The following ULK4 variants were observed in gnomAD, a reference collection of about 807,000 sequenced individuals.
The protein encoded by ULK4 is unc-51 like kinase 4.
A neutral mutation model predicts 160.6 loss-of-function variants in ULK4; 133 were observed. The observed-to-expected ratio is 0.83, with a 90% confidence interval of 0.72 to 0.96. The LOEUF (loss-of-function observed/expected upper bound fraction) is 0.96. Among genes scored for constraint, ULK4 ranks in the 40% least tolerant of loss-of-function variants. The pLI is 0.00. For synonymous variants in ULK4, 534 were observed against 539.8 expected, an observed-to-expected ratio of 0.99 and a Z score of 0.15; for missense variants, 1,580 against 1,499.5, an observed-to-expected ratio of 1.05 and a Z score of -0.89.
chr3:41,581,750 T>C (rs1226741089), intron 31 of ULK4, among the ~76,000 whole-genome samples: 4 of 152,104 alleles, frequency 2.6e-5, no homozygotes, highest in Non-Finnish European at 4.4e-5. Context: ...TAAGGAGCAG[T>C]GCCATGTGCT....
Position 41,739,331 on chromosome 3 carries a change from G to A in ULK4, c.2321+15030C>T, listed in dbSNP as rs376354219. On this transcript the variant is annotated intron_variant, in intron 22 of 36. Transcript: ENST00000301831. ...AAGAATTGTTTATGACCAGCTAATT[G>A]GCAAAGAAAAGCACTGAATCTGGTT... 3.2e-4 allele frequency among the ~76,000 whole-genome samples: 48 copies of A among 151,950 alleles called. No homozygotes were observed. The South Asian group carries it at 9.3e-3, about 30-fold the overall frequency.
intron 35 of ULK4, among the ~76,000 whole-genome samples, chr3:41,268,870 C>T (rs1023157980): frequency 2.0e-5 from 3 of 148,396 alleles, no homozygotes; most frequent in Non-Finnish European, 4.4e-5. Flanking sequence ...AAAGTAAAGA[C>T]GCAGCTCTTC....
intron 31 of ULK4, among the ~76,000 whole-genome samples, chr3:41,600,579 T>C (rs960955666): frequency 6.6e-6 from 1 of 152,214 alleles, no homozygotes; most frequent in Non-Finnish European, 1.5e-5. Context: ...AACAACACTG[T>C]CCATTCTGCA....
In ULK4 at chr3:41,455,607, A is replaced by G; in HGVS notation, c.3394-12T>C. 3 of 1,613,186 alleles carry G rather than the reference A, an allele frequency of 1.9e-6. No individual in the cohort carries two copies. Among genetic ancestry groups the G allele is most frequent in the Non-Finnish European group, 2.5e-6 (3 of 1,179,660 alleles). ...CCAGACTTCTGGGCCTGGAACAGAG[A>G]GAAGAGAAATGAAAGACGGTCTTGG... On this transcript the variant is annotated splice_polypyrimidine_tract_variant and intron_variant, in intron 33 of 36. Transcript: ENST00000301831.
intron 5 of ULK4, 94 bp downstream of exon 5, chr3:41,931,750 T>A: frequency 1.4e-6 from 2 of 1,435,130 alleles, no homozygotes; most frequent in East Asian, 2.3e-5. Flanking sequence ...CTTATTTGAG[T>A]GGCAAAACAA....
At chr3:41,841,909 T>C (rs897145495) in intron 17 of ULK4, among the ~76,000 whole-genome samples, 1 of 152,058 alleles carries the variant, frequency 6.6e-6, no homozygotes, top group African/African-American at 2.4e-5. Context: ...TGGTGCAAGA[T>C]ATGCTTTGTT....
chr3:41,424,577 T>C (rs1015221290), intron 34 of ULK4, among the ~76,000 whole-genome samples: 2 of 152,164 alleles, frequency 1.3e-5, no homozygotes, highest in Admixed American at 1.3e-4. Context: ...CAGGCAGCCA[T>C]CTTTGCTTTT....
chr3:41,485,016 A>G (rs894283440), intron 32 of ULK4, among the ~76,000 whole-genome samples: 4 of 152,232 alleles, frequency 2.6e-5, no homozygotes, highest in African/African-American at 9.6e-5. Flanking sequence ...ATGTAAAGAA[A>G]AAGTAATAAC....
intron 17 of ULK4, among the ~76,000 whole-genome samples, chr3:41,865,722 C>T (rs1314008617): frequency 1.3e-5 from 2 of 151,870 alleles, no homozygotes; most frequent in Non-Finnish European, 2.9e-5. Context: ...GACTGGATAC[C>T]AAAAAATTTT....
At chr3:41,597,135 C>T (rs966553418) in intron 31 of ULK4, among the ~76,000 whole-genome samples, 99 of 152,194 alleles carry the variant, frequency 6.5e-4, no homozygotes, top group African/African-American at 2.1e-3. Flanking sequence ...TCACACAGCA[C>T]GGAGGTGACT....
chr3:41,485,425 C>T (rs567196955), intron 32 of ULK4, among the ~76,000 whole-genome samples: 1 of 152,212 alleles, frequency 6.6e-6, no homozygotes, highest in Non-Finnish European at 1.5e-5. Flanking sequence ...ATATAGAAGG[C>T]TAAAAAATAA....
chr3:41,265,104 A>C (rs1263206935), intron 35 of ULK4, among the ~76,000 whole-genome samples: 1 of 152,222 alleles, frequency 6.6e-6, no homozygotes, highest in African/African-American at 2.4e-5. Context: ...CCAGGCCTGG[A>C]GAGTGGAGGC....
rs967813331 is a variant in ULK4 at position 41,342,747 on chromosome 3, C to T, written c.3678+55332G>A. ...AACGAAAACTTTAGGCCAATATCCCCGATGAACACCGATGTAAAAATCCTC... is the reference window on the plus strand; with the variant it reads ...AACGAAAACTTTAGGCCAATATCCCTGATGAACACCGATGTAAAAATCCTC... On this transcript the variant is annotated intron_variant, in intron 35 of 36. Coordinates refer to ENST00000301831, the MANE Select transcript of ULK4 (RefSeq NM_017886.4). 1.9e-4 allele frequency among the ~76,000 whole-genome samples: 29 copies of T among 152,236 alleles called. 1 individual carries two copies. Among genetic ancestry groups the T allele is most frequent in the Admixed American group, 2.6e-4 (4 of 15,280 alleles).
At chr3:41,822,451 CTT>C (rs1255568610) in intron 18 of ULK4, among the ~76,000 whole-genome samples, 3 of 152,164 alleles carry the variant, frequency 2.0e-5, no homozygotes, top group Middle Eastern at 3.4e-3. Context: ...AAGTTTCGCT[CTT>C]GTTGCCCAGG....
At chr3:41,795,771 T>C (rs778902968) in intron 20 of ULK4, among the ~76,000 whole-genome samples, 7 of 152,178 alleles carry the variant, frequency 4.6e-5, no homozygotes, top group Non-Finnish European at 8.8e-5. Flanking sequence ...AGAATCAAGT[T>C]GGTGGAGCCT....
At chr3:41,291,340 G>T (rs76710653) in intron 35 of ULK4, among the ~76,000 whole-genome samples, 1 of 145,050 alleles carries the variant, frequency 6.9e-6, no homozygotes, top group African/African-American at 2.6e-5. Flanking sequence ...GAGAAAGAAG[G>T]AAGGAAGGAG....
In ULK4 at chr3:41,537,231, C is replaced by A. The variant is rs985775403; in HGVS notation, c.3226+28794G>T. Among the ~76,000 whole-genome samples the A allele has an allele frequency of 4.6e-5, 7 of 151,070 alleles. No individual in the cohort carries two copies. The Admixed American group carries it at 4.6e-4, about 10-fold the overall frequency. On this transcript the variant is annotated intron_variant, in intron 32 of 36. Coordinates refer to ENST00000301831, the MANE Select transcript of ULK4 (RefSeq NM_017886.4). ...GCCATATCCACAGTCTCATGATTTC[C>A]TTGATTGCTCTGCTGTAAATCCCAT...
chr3:41,713,133 A>G (rs1480309662), intron 25 of ULK4, among the ~76,000 whole-genome samples: 1 of 152,174 alleles, frequency 6.6e-6, no homozygotes, highest in Admixed American at 6.5e-5. Context: ...TTTGCCTAAA[A>G]AAAAATTAAA....
At chr3:41,354,907 T>G (rs2080997901) in intron 35 of ULK4, among the ~76,000 whole-genome samples, 1 of 152,232 alleles carries the variant, frequency 6.6e-6, no homozygotes, top group Non-Finnish European at 1.5e-5. Context: ...ACCTCACCTC[T>G]ATCTGTGGAT....
Sources: gnomAD v4.1 joint callset for allele counts (sites outside exome capture counted in the v4.1 genomes callset) on GRCh38, gnomAD v4.1.1 for gene constraint, MANE v1.5 for transcripts, NCBI Gene and HGNC (gene_info 2026-07-23, HGNC 2026-07-21) for gene names.